Variants in MREG observed in about 807,000 individuals in gnomAD.
The protein encoded by MREG is dilute suppressor protein homolog.
MREG carries 31 observed loss-of-function variants against 28.5 expected under a neutral mutation model. The observed-to-expected ratio is 1.09, with a 90% confidence interval of 0.82 to 1.47. The LOEUF is 1.47. Among genes scored for constraint, MREG ranks in the 40% most tolerant of loss-of-function variants. The probability of loss-of-function intolerance (pLI) is 0.00; values close to 1 mark genes in which losing one functional copy is unlikely to be tolerated. For missense variants in MREG, 256 were observed against 257.4 expected (o/e 0.99, Z 0.04); for synonymous variants, 106 against 95.2 (o/e 1.11, Z -0.66).
intron 1 of MREG, among the ~76,000 whole-genome samples, chr2:216,011,266 C>G (rs16855258): frequency 1.3e-5 from 2 of 151,996 alleles, no homozygotes; most frequent in East Asian, 3.8e-4. Flanking sequence ...TATACACACA[C>G]GCCACTGTTC....
At chr2:216,009,366 G>T (rs979680338) in intron 1 of MREG, among the ~76,000 whole-genome samples, 50 of 152,058 alleles carry the variant, frequency 3.3e-4, no homozygotes, top group Non-Finnish European at 6.9e-4. Flanking sequence ...GCTGCTAAGT[G>T]GGGGTTGGGT....
At chr2:215,984,254 G>A (rs1368374926) in intron 2 of MREG, among the ~76,000 whole-genome samples, 1 of 152,084 alleles carries the variant, frequency 6.6e-6, no homozygotes, top group East Asian at 1.9e-4. Context: ...CCCCATGATT[G>A]AATTACCTCC....
chr2:215,996,252 A>AT (rs1221930440), intron 2 of MREG, 54 bp downstream of exon 2: 2 of 1,520,842 alleles, frequency 1.3e-6, no homozygotes, highest in Non-Finnish European at 1.8e-6. Flanking sequence ...AGGAATTACT[A>AT]TTTTTTACTA....
intron 2 of MREG, among the ~76,000 whole-genome samples, chr2:215,994,528 C>T (rs183691113): frequency 4.1e-4 from 62 of 149,584 alleles, no homozygotes; most frequent in Admixed American, 2.2e-3. Context: ...GCACATTCTG[C>T]AGATGTATCC....
intron 2 of MREG, among the ~76,000 whole-genome samples, chr2:215,970,193 G>T (rs929333966): frequency 3.3e-5 from 5 of 152,110 alleles, no homozygotes; most frequent in Non-Finnish European, 7.3e-5. Context: ...CCAATAAGAA[G>T]GGGAAATTTA....
chr2:216,008,524 C>G (rs190635873), intron 1 of MREG, among the ~76,000 whole-genome samples: 2 of 152,348 alleles, frequency 1.3e-5, no homozygotes, highest in African/African-American at 4.8e-5. Context: ...ATCTGTTTTG[C>G]TCCTTGTTCA....
At chr2:216,002,951 TTC>T (rs1334128938) in intron 1 of MREG, among the ~76,000 whole-genome samples, 1 of 151,508 alleles carries the variant, frequency 6.6e-6, no homozygotes, top group Non-Finnish European at 1.5e-5. Flanking sequence ...TTCTCTCTCA[TTC>T]TCTCTTTCCT....
intron 1 of MREG, among the ~76,000 whole-genome samples, chr2:216,031,683 GAA>G (rs780396915): frequency 0.043 from 2,306 of 53,726 alleles, 28 homozygotes; most frequent in Admixed American, 0.07. Flanking sequence ...AAGAAAGAAA[GAA>G]AGAAAGAGAA....
chr2:216,030,952 TCTCTCACA>T lies in MREG; in HGVS notation c.-68+1829_-68+1836del, dbSNP rs1326637972. On this transcript the variant is annotated intron_variant, in intron 1 of 3. Transcript: ENST00000420348. The stretch of plus-strand genomic sequence containing the variant: ...TTCTCTCTCTCTCTCTCTCTCTCTC[TCTCTCACA>T]CACACACACACACACACACACACAC... 6.1e-3 allele frequency among the ~76,000 whole-genome samples: 649 copies of T among 106,972 alleles called. 6 individuals carry two copies. Among genetic ancestry groups the T allele is most frequent in the African/African-American group, 0.023 (586 of 24,944 alleles). The allele number at this position is 106,972 out of a possible 152,430, so 70.2% of individuals were successfully genotyped here.
At chr2:215,976,477 A>G (rs1023509777) in intron 2 of MREG, among the ~76,000 whole-genome samples, 1 of 152,228 alleles carries the variant, frequency 6.6e-6, no homozygotes, top group Non-Finnish European at 1.5e-5. Context: ...AGAAATCACC[A>G]TCTACCACCA....
At chr2:215,984,809 C>T (rs1693524081) in intron 2 of MREG, among the ~76,000 whole-genome samples, 1 of 152,204 alleles carries the variant, frequency 6.6e-6, no homozygotes, top group South Asian at 2.1e-4. Flanking sequence ...AACGTGGTCA[C>T]CATCCTCAGA....
chr2:216,008,669 A>G (rs960809347), intron 1 of MREG, among the ~76,000 whole-genome samples: 1 of 152,228 alleles, frequency 6.6e-6, no homozygotes, highest in Non-Finnish European at 1.5e-5. Context: ...ATAAAATCTC[A>G]GTTTGCTCTA....
At chr2:216,025,128 T>C (rs1298794879) in intron 1 of MREG, among the ~76,000 whole-genome samples, 4 of 152,172 alleles carry the variant, frequency 2.6e-5, no homozygotes, top group African/African-American at 7.2e-5. Context: ...AAAATGCACA[T>C]CTCATTTTAA....
intron 1 of MREG, among the ~76,000 whole-genome samples, chr2:216,024,043 C>T (rs1420340098): frequency 6.6e-6 from 1 of 152,114 alleles, no homozygotes; most frequent in Non-Finnish European, 1.5e-5. Flanking sequence ...AAGTATATGC[C>T]ATGAGTACCC....
chr2:215,973,260 C>T (rs1457338986), intron 2 of MREG, among the ~76,000 whole-genome samples: 1 of 152,244 alleles, frequency 6.6e-6, no homozygotes, highest in East Asian at 1.9e-4. Flanking sequence ...TCCCTCCAAA[C>T]TTCTGCCTGG....
chr2:215,980,155 G>A (rs1693385915), intron 2 of MREG, among the ~76,000 whole-genome samples: 1 of 151,808 alleles, frequency 6.6e-6, no homozygotes, highest in African/African-American at 2.4e-5. Context: ...TCTGGATATG[G>A]AGAAAGTTGG....
chr2:215,957,398 C>T (rs1692652735), intron 2 of MREG, among the ~76,000 whole-genome samples: 1 of 152,098 alleles, frequency 6.6e-6, no homozygotes, highest in South Asian at 2.1e-4. Context: ...GTGGCAGGAC[C>T]CTCCAGCCCC....
At chr2:216,014,506 G>A (rs1172756564), upstream of MREG, among the ~76,000 whole-genome samples, 1 of 151,890 alleles carries the variant, frequency 6.6e-6, no homozygotes, top group Non-Finnish European at 1.5e-5. Flanking sequence ...AAAATTAGCC[G>A]GGCATGGTGG....
At chr2:215,947,139 T>C (rs1291284033) in intron 2 of MREG, 26 bp from the exon 3 acceptor site, 7 of 1,491,738 alleles carry the variant, frequency 4.7e-6, no homozygotes, top group Admixed American at 3.5e-5. Flanking sequence ...AGTTTAGTTT[T>C]ATTTATACCC....
Sources: allele counts gnomAD v4.1 joint callset (sites outside exome capture counted in the v4.1 genomes callset), GRCh38; gene constraint gnomAD v4.1.1; transcripts MANE v1.5; gene names NCBI Gene and HGNC (gene_info 2026-07-23, HGNC 2026-07-21).